BAK1: variants seen among roughly 807,000 people sequenced by gnomAD.
The protein encoded by BAK1 is BCL2 antagonist/killer 1.
Under a neutral mutation model 24.7 loss-of-function variants are expected in BAK1, and 19 were observed. The ratio of observed to expected loss-of-function variants is 0.77; its 90% CI spans 0.54 to 1.13. BAK1 has a LOEUF of 1.13. Ranked by LOEUF, BAK1 falls within the 50% of genes most tolerant of loss-of-function variation. The probability of loss-of-function intolerance (pLI) is 0.00; values close to 1 mark genes in which losing one functional copy is unlikely to be tolerated. For missense variants in BAK1, 194 were observed against 279.4 expected (o/e 0.69, Z 2.18); for synonymous variants, 86 against 107.3 (o/e 0.80, Z 1.23).
chr6:33,577,507 A>G lies in BAK1; in HGVS notation c.70+28T>C, dbSNP rs1169335780. On this transcript the variant is annotated intron_variant, in intron 2 of 5. Coordinates refer to ENST00000374467, the MANE Select transcript of BAK1 (RefSeq NM_001188.4). This position sits in a 1 kb window ranked among gnomAD's most constrained non-coding sequence, Gnocchi z 4.6. ...TCACGACAGCACTCATGGTTATGGG[A>G]TGGGTGAGGGGGCAGGAAGACCCTT... is the stretch of plus-strand genomic sequence containing the variant. 3.3e-6 allele frequency: 5 copies of G among 1,529,496 alleles called. No homozygotes were observed. The highest frequency in any genetic ancestry group is 2.0e-5 in the Admixed American group (1 of 49,690). The allele number at this position is 1,529,496 out of a possible 1,614,324, so 94.7% of individuals were successfully genotyped here.
Position 33,575,609 on chromosome 6 carries a change from C to A in BAK1, c.207-168G>T. On this transcript the variant is annotated intron_variant, in intron 3 of 5. Coordinates refer to ENST00000374467, the MANE Select transcript of BAK1 (RefSeq NM_001188.4). The surrounding 1 kb of genome is among the most constrained non-coding windows in gnomAD (Gnocchi z 6.3). ...GAGTGCTGGGCTCCAGGAGAAGGGG[C>A]AGGCATGGGCTAAAAAGGATACAAG... 1.6e-6 allele frequency: 2 copies of A among 1,266,490 alleles called. No homozygotes were observed. The highest frequency in any genetic ancestry group is 2.2e-6 in the Non-Finnish European group (2 of 915,748). The allele number at this position is 1,266,490 out of a possible 1,614,324, so 78.5% of individuals were successfully genotyped here. A position where few individuals can be genotyped will look rare whatever the true frequency, so the allele number is the denominator to read the frequency against.
intron 4 of BAK1, among the ~76,000 whole-genome samples, chr6:33,574,920 T>C (rs557559): frequency 1.3e-5 from 2 of 152,206 alleles, no homozygotes; most frequent in African/African-American, 4.8e-5. Context: ...TTCTAGGACC[T>C]GGCAGAGGTT....
Position 33,580,125 on chromosome 6 carries a change from T to C in BAK1, c.-132A>G, listed in dbSNP as rs534772249. On this transcript the variant is annotated 5_prime_UTR_variant, in exon 1 of 6. Transcript: ENST00000374467. ...TCCCAGGGGCTGAGTGGGAGCCCAG[T>C]TTCCAGGAATGGGCGTCAGTGCATT... is the stretch of plus-strand genomic sequence containing the variant. 6.6e-6 allele frequency: 1 copy of C among 152,412 alleles called. No individual in the cohort carries two copies. The highest frequency in any genetic ancestry group is 1.9e-4 in the East Asian group (1 of 5,258). 9.4% of individuals were successfully genotyped at this position (152,412 alleles called of 1,614,324 possible).
At position 33,577,483 on chromosome 6, in the gene BAK1, C is replaced by A; in HGVS notation, c.70+52G>T. On this transcript the variant is annotated intron_variant, in intron 2 of 5. Transcript: ENST00000374467. This position sits in a 1 kb window ranked among gnomAD's most constrained non-coding sequence, Gnocchi z 4.6. Reference sequence around the variant, plus strand: ...GCCTGAGTCCTGCTCCTTCCATCCTCACGACAGCACTCATGGTTATGGGAT... The same window carrying A: ...GCCTGAGTCCTGCTCCTTCCATCCTAACGACAGCACTCATGGTTATGGGAT... The A allele has an allele frequency of 6.8e-7, 1 of 1,476,542 alleles. No homozygotes were observed. Among genetic ancestry groups the A allele is most frequent in the South Asian group, 1.3e-5 (1 of 78,608 alleles). 91.5% of individuals were successfully genotyped at this position (1,476,542 alleles called of 1,614,324 possible).
intron 2 of BAK1, among the ~76,000 whole-genome samples, chr6:33,576,654 C>T (rs1398534624): frequency 1.4e-5 from 2 of 145,314 alleles, no homozygotes; most frequent in Non-Finnish European, 3.0e-5. Flanking sequence ...CAAAACAAAA[C>T]AACAACAACA....
rs5745584 is a variant in BAK1 at position 33,578,323 on chromosome 6, G to A, written c.-31-688C>T. On this transcript the variant is annotated intron_variant, in intron 1 of 5. Coordinates refer to ENST00000374467, the MANE Select transcript of BAK1 (RefSeq NM_001188.4). This position sits in a 1 kb window ranked among gnomAD's most constrained non-coding sequence, Gnocchi z 4.8. ...AACACTGGAAACTCACATGAACCCAGCAGGGTGAGCGCCATCATACCCACT... is the reference window on the plus strand; with the variant it reads ...AACACTGGAAACTCACATGAACCCAACAGGGTGAGCGCCATCATACCCACT... 4.9e-4 allele frequency among the ~76,000 whole-genome samples: 75 copies of A among 152,300 alleles called. No individual in the cohort carries two copies. The highest frequency in any genetic ancestry group is 1.6e-3 in the African/African-American group (65 of 41,570).
Position 33,575,474 on chromosome 6 carries a change from T to TAACC in BAK1, c.207-37_207-34dup. Reference sequence around the variant, plus strand: ...AGCAGGAGGCATGCAGGTGAGCCAGTAACCAGGCAGTCGGGACCAGGCCCT... The same window carrying TAACC: ...AGCAGGAGGCATGCAGGTGAGCCAGTAACCAACCAGGCAGTCGGGACCAGGCCCT... On this transcript the variant is annotated intron_variant, in intron 3 of 5. Transcript: ENST00000374467. The surrounding 1 kb of genome is among the most constrained non-coding windows in gnomAD (Gnocchi z 6.3). The TAACC allele has an allele frequency of 6.2e-7, 1 of 1,612,358 alleles. No homozygotes were observed. The highest frequency in any genetic ancestry group is 1.1e-5 in the South Asian group (1 of 91,000).
chr6:33,576,045 C>T, intron 2 of BAK1, 117 bp from the exon 3 acceptor site: 3 of 1,471,804 alleles, frequency 2.0e-6, no homozygotes, highest in Non-Finnish European at 2.7e-6. Context: ...AAGAAATATC[C>T]CAACCAGGTG....
Position 33,575,508 on chromosome 6 carries a change from G to A in BAK1, c.207-67C>T, listed in dbSNP as rs1394556080. The A allele has an allele frequency of 4.4e-6, 7 of 1,601,588 alleles. No homozygotes were observed. In the African/African-American group the frequency reaches 8.0e-5, roughly 18 times the overall value. On this transcript the variant is annotated intron_variant, in intron 3 of 5. Transcript: ENST00000374467. The surrounding 1 kb of genome is among the most constrained non-coding windows in gnomAD (Gnocchi z 6.3). The stretch of plus-strand genomic sequence containing the variant: ...AGTCGGGACCAGGCCCTGGCTCATG[G>A]CAGAGGGGTTCTGCCTGAGCTGTCC...
chr6:33,574,122 G>C lies in BAK1; in HGVS notation c.443C>G (p.Thr148Ser), dbSNP rs373714419. ...GCGGGTCACCTGGCCTAGGAAGCCA[G>C]TCAGGCCATGCTGGTAGACGTGTAG... ...LALHVYQHGL[T>S]GFLGQVTRFV... The change falls in exon 5 of 6, where the codon ACT becomes AGT. Residue 148 changes from threonine to serine, a missense_variant. By Grantham distance (58) the Thr-to-Ser change is moderately conservative (BLOSUM62 1). Transcript: ENST00000374467. 1.2e-6 allele frequency: 2 copies of C among 1,614,240 alleles called. No individual in the cohort carries two copies. The highest frequency in any genetic ancestry group is 8.5e-7 in the Non-Finnish European group (1 of 1,180,040).
Position 33,575,726 on chromosome 6 carries a change from C to T in BAK1, c.206+67G>A. The T allele has an allele frequency of 1.3e-6, 2 of 1,587,608 alleles. No homozygotes were observed. The highest frequency in any genetic ancestry group is 1.7e-6 in the Non-Finnish European group (2 of 1,166,040). Reference sequence around the variant, plus strand: ...AGGCCTCCCCAGCTCCCAGGACCTGCACAGAGACCCATGCGAGCTACTGCC... The same window carrying T: ...AGGCCTCCCCAGCTCCCAGGACCTGTACAGAGACCCATGCGAGCTACTGCC... On this transcript the variant is annotated intron_variant, in intron 3 of 5. Transcript: ENST00000374467. This position sits in a 1 kb window ranked among gnomAD's most constrained non-coding sequence, Gnocchi z 6.3.
rs550500000 is a variant in BAK1 at position 33,577,780 on chromosome 6, C to T, written c.-31-145G>A. Reference sequence around the variant, plus strand: ...TAGTCCTCTGGGACTTTGGCCAGGCCGGTCTCAAACTCCTGACCTCGTGAG... The same window carrying T: ...TAGTCCTCTGGGACTTTGGCCAGGCTGGTCTCAAACTCCTGACCTCGTGAG... On this transcript the variant is annotated intron_variant, in intron 1 of 5. Coordinates refer to ENST00000374467, the MANE Select transcript of BAK1 (RefSeq NM_001188.4). This position sits in a 1 kb window ranked among gnomAD's most constrained non-coding sequence, Gnocchi z 4.6. 11 of 562,356 alleles carry T rather than the reference C, an allele frequency of 2.0e-5. No homozygotes were observed. Among genetic ancestry groups the T allele is most frequent in the Middle Eastern group, 2.7e-4 (1 of 3,666 alleles). The allele number at this position is 562,356 out of a possible 1,614,324, so 34.8% of individuals were successfully genotyped here.
intron 4 of BAK1, 170 bp from the exon 5 acceptor site, chr6:33,574,384 C>G: frequency 6.9e-7 from 1 of 1,456,446 alleles, no homozygotes; most frequent in Non-Finnish European, 9.3e-7. Flanking sequence ...TGGGTCTCTG[C>G]GAAAGGAGAA....
At chr6:33,574,671 C>A in intron 4 of BAK1, 1 of 588,994 alleles carries the variant, frequency 1.7e-6, no homozygotes, top group Admixed American at 2.5e-5. Context: ...TCACTTACTC[C>A]TACCTTCACC....
At chr6:33,574,431 G>T in intron 4 of BAK1, 1 of 1,497,808 alleles carries the variant, frequency 6.7e-7, no homozygotes, top group Non-Finnish European at 9.0e-7. Flanking sequence ...CACTGCTGGG[G>T]TGTACGCTCA....
intron 2 of BAK1, among the ~76,000 whole-genome samples, chr6:33,576,663 C>G (rs77009237): frequency 4.4e-5 from 6 of 136,922 alleles, no homozygotes; most frequent in Admixed American, 1.4e-4. Flanking sequence ...ACAACAACAA[C>G]AAAAAAAACA....
Position 33,575,125 on chromosome 6 carries a change from G to A in BAK1, c.350+173C>T, listed in dbSNP as rs1762821189. 2.1e-6 allele frequency: 2 copies of A among 958,640 alleles called. No homozygotes were observed. Among genetic ancestry groups the A allele is most frequent in the Admixed American group, 2.0e-5 (1 of 49,606 alleles). The allele number at this position is 958,640 out of a possible 1,614,324, so 59.4% of individuals were successfully genotyped here. A position where few individuals can be genotyped will look rare whatever the true frequency, so the allele number is the denominator to read the frequency against. On this transcript the variant is annotated intron_variant, in intron 4 of 5. Transcript: ENST00000374467. The surrounding 1 kb of genome is among the most constrained non-coding windows in gnomAD (Gnocchi z 6.3). The stretch of plus-strand genomic sequence containing the variant: ...AGCTAATGCCCAAAATACAAGTCTG[G>A]GACCCCGAAAGAGAAAAATAGGGGG...
Position 33,573,836 on chromosome 6 carries a change from G to A in BAK1, c.603C>T (p.Gly201=), listed in dbSNP as rs1762799916. Residue 201 remains glycine, a synonymous_variant, in exon 6 of 6, where the codon GGC becomes GGT. Coordinates refer to ENST00000374467, the MANE Select transcript of BAK1 (RefSeq NM_001188.4). ...VLVVLGVVLL[G]QFVVRRFFKS ...TGAAGAATCTTCGTACCACAAACTG[G>A]CCCAACAGAACCACACCCAGAACCA... 1 of 1,614,110 alleles carries A rather than the reference G, an allele frequency of 6.2e-7. No homozygotes were observed. Among genetic ancestry groups the A allele is most frequent in the Non-Finnish European group, 8.5e-7 (1 of 1,179,948 alleles).
rs938712395 is a variant in BAK1, at chr6:33,578,815, C to T, written c.-31-1180G>A. On this transcript the variant is annotated intron_variant, in intron 1 of 5. Transcript: ENST00000374467. The surrounding 1 kb of genome is among the most constrained non-coding windows in gnomAD (Gnocchi z 4.8). ...CAGCCTCCAGCCCTCAGAAGGAGAG[C>T]GCCCTCCTCCTATCCCAGAGGGAGG... is the stretch of plus-strand genomic sequence containing the variant. Among the ~76,000 whole-genome samples, 51 of 152,198 alleles carry T rather than the reference C, an allele frequency of 3.4e-4. No individual in the cohort carries two copies. The highest frequency in any genetic ancestry group is 8.8e-5 in the Non-Finnish European group (6 of 68,034).
Sources: gnomAD v4.1 joint callset for allele counts (sites outside exome capture counted in the v4.1 genomes callset) on GRCh38, gnomAD v4.1.1 for gene constraint, Gnocchi (gnomAD v3.1) non-coding constraint, MANE v1.5 for transcripts, NCBI Gene and HGNC (gene_info 2026-07-23, HGNC 2026-07-21) for gene names.